The following BMX variants were observed in gnomAD, a reference collection of about 807,000 sequenced individuals.
The protein encoded by BMX is cytoplasmic tyrosine-protein kinase BMX.
Under a neutral mutation model 59.2 loss-of-function variants are expected in BMX, and 31 were observed. That is an observed-to-expected ratio of 0.52 (90% confidence interval 0.39 to 0.71). BMX has a LOEUF of 0.71. BMX is among the 30% of genes least tolerant of loss of function. BMX has a pLI of 0.00. For missense variants in BMX, 474 were observed against 491.7 expected, an observed-to-expected ratio of 0.96 and a Z score of 0.34; for synonymous variants, 185 against 181.0, an observed-to-expected ratio of 1.02 and a Z score of -0.18.
At chrX:15,534,421 C>T (rs753671228) in intron 12 of BMX, 82 bp downstream of exon 12, 29 of 894,354 alleles carry the variant, frequency 3.2e-5, no homozygotes, top group Non-Finnish European at 3.9e-5. Context: ...TCCTAATATT[C>T]TTAATTATAT....
In BMX at chrX:15,554,964, G is replaced by C. The variant is rs142112878; in HGVS notation, c.1954-1109G>C. On this transcript the variant is annotated intron_variant, in intron 18 of 18. Transcript: ENST00000348343. ...AGCACCACACTGCTCTGATTCTGTA[G>C]AGACTTTATGATATGTTTGAATACT... Among the ~76,000 whole-genome samples, 22 of 111,103 alleles carry C rather than the reference G, an allele frequency of 2.0e-4. No individual in the cohort carries two copies. The East Asian group carries it at 6.2e-3, about 31-fold the overall frequency.
chrX:15,524,952 TAA>T (rs1924638534), intron 7 of BMX, among the ~76,000 whole-genome samples: 1 of 112,320 alleles, frequency 8.9e-6, no homozygotes, highest in African/African-American at 3.2e-5. Flanking sequence ...TTAAAATATA[TAA>T]GTGACAGAAT....
In BMX at chrX:15,527,245, C is replaced by A. The variant is rs867966511; in HGVS notation, c.884+1150C>A. Among the ~76,000 whole-genome samples the A allele has an allele frequency of 8.0e-3, 101 of 12,687 alleles. 1 individual carries two copies. The highest frequency in any genetic ancestry group is 0.033 in the African/African-American group (94 of 2,846). 11.0% of individuals were successfully genotyped at this position (12,687 alleles called of 115,157 possible). A position where few individuals can be genotyped will look rare whatever the true frequency, so the allele number is the denominator to read the frequency against. Reference sequence around the variant, plus strand: ...ACACAAACACACACACACACACACACAAATATATATATATATATATATATA... The same window carrying A: ...ACACAAACACACACACACACACACAAAAATATATATATATATATATATATA... On this transcript the variant is annotated intron_variant, in intron 9 of 18. Coordinates refer to ENST00000348343, the MANE Select transcript of BMX (RefSeq NM_203281.3).
chrX:15,530,873 T>C (rs1925035294), intron 10 of BMX, among the ~76,000 whole-genome samples: 1 of 112,172 alleles, frequency 8.9e-6, no homozygotes, highest in African/African-American at 3.2e-5. Context: ...AATGACTTCA[T>C]TTGGCGTTTT....
In BMX at chrX:15,500,984, C is replaced by T. The variant is rs41309563; in HGVS notation, c.-10+44C>T. ...TGGCTACTCAGTGTCGCATACTATG[C>T]GGAAAATAGGTTTGGTTCCCGGTGT... is the stretch of plus-strand genomic sequence containing the variant. On this transcript the variant is annotated intron_variant, in intron 1 of 18. Transcript: ENST00000348343. The T allele has an allele frequency of 3.6e-3, 2,694 of 750,595 alleles. 5 individuals carry two copies. The highest frequency in any genetic ancestry group is 3.9e-3 in the Non-Finnish European group (2,512 of 637,181). 61.9% of individuals were successfully genotyped at this position (750,595 alleles called of 1,213,427 possible). A position where few individuals can be genotyped will look rare whatever the true frequency, so the allele number is the denominator to read the frequency against.
intron 10 of BMX, among the ~76,000 whole-genome samples, 174 bp from the exon 11 acceptor site, chrX:15,531,148 TCATACA>T (rs201731366): frequency 9.1e-5 from 10 of 110,000 alleles, no homozygotes; most frequent in Admixed American, 1.9e-4. Flanking sequence ...GAGGAAGAGT[TCATACA>T]CATACACATA....
chrX:15,523,273 C>G (rs974085005), intron 7 of BMX, among the ~76,000 whole-genome samples: 3 of 112,048 alleles, frequency 2.7e-5, no homozygotes, highest in African/African-American at 6.5e-5. Flanking sequence ...TCTCTGCCAT[C>G]TTCTCACTCA....
Position 15,549,465 on chromosome X carries a change from G to T in BMX, c.1796-375G>T, listed in dbSNP as rs74456458. On this transcript the variant is annotated intron_variant, in intron 17 of 18. Coordinates refer to ENST00000348343, the MANE Select transcript of BMX (RefSeq NM_203281.3). ...GGACATCAACCACTCATTCATAAGG[G>T]TTGGGGCAGGGGCTCACTACACAGG... Among the ~76,000 whole-genome samples the T allele has an allele frequency of 1.6e-3, 174 of 112,053 alleles. 1 individual carries two copies. The highest frequency in any genetic ancestry group is 2.4e-3 in the Non-Finnish European group (129 of 53,146).
chrX:15,549,692 C>A, intron 17 of BMX, 148 bp from the exon 18 acceptor site: 1 of 628,410 alleles, frequency 1.6e-6, no homozygotes, highest in Non-Finnish European at 2.4e-6. Flanking sequence ...AAGCTCTGCT[C>A]ATTTCGCTGG....
chrX:15,519,431 TGTAATTA>T lies in BMX; in HGVS notation c.510+1441_510+1447del, dbSNP rs1924334155. 4.5e-5 allele frequency among the ~76,000 whole-genome samples: 5 copies of T among 111,644 alleles called. 1 individual carries two copies. The South Asian group carries it at 1.9e-3, about 42-fold the overall frequency. ...TTATTGGAACTAGGATCTTTGCAGA[TGTAATTA>T]GTTAAAGATCAAGATGAAATCACAC... is the stretch of plus-strand genomic sequence containing the variant. On this transcript the variant is annotated intron_variant, in intron 6 of 18. Coordinates refer to ENST00000348343, the MANE Select transcript of BMX (RefSeq NM_203281.3).
At chrX:15,530,294 G>A in intron 10 of BMX, among the ~76,000 whole-genome samples, 1 of 111,696 alleles carries the variant, frequency 9.0e-6, no homozygotes, top group Non-Finnish European at 1.9e-5. Context: ...TGAGTCAGCT[G>A]GGCCAGCAGT....
intron 16 of BMX, 86 bp downstream of exon 16, chrX:15,543,221 T>C (rs993798782): frequency 2.2e-6 from 2 of 919,338 alleles, no homozygotes; most frequent in African/African-American, 1.9e-5. Context: ...TTTGTGGGGA[T>C]ATAGAAGGTG....
chrX:15,504,047 T>C (rs759390575), intron 1 of BMX, among the ~76,000 whole-genome samples: 2 of 111,707 alleles, frequency 1.8e-5, no homozygotes, highest in East Asian at 5.7e-4. Flanking sequence ...TCCTTAAGCA[T>C]TGGCTAGGAT....
chrX:15,501,879 A>T (rs186345916), intron 1 of BMX, among the ~76,000 whole-genome samples: 1 of 112,120 alleles, frequency 8.9e-6, no homozygotes, highest in African/African-American at 3.2e-5. Flanking sequence ...ACATGGCAAT[A>T]CATGAGGAGG....
At chrX:15,542,378 A>G (rs750420044) in intron 15 of BMX, among the ~76,000 whole-genome samples, 180 bp downstream of exon 15, 1 of 111,945 alleles carries the variant, frequency 8.9e-6, no homozygotes, top group Admixed American at 9.5e-5. Context: ...TGAAGTATGG[A>G]AAGAACAGTG....
At chrX:15,529,591 T>C (rs1005082242) in intron 9 of BMX, among the ~76,000 whole-genome samples, 3 of 112,943 alleles carry the variant, frequency 2.7e-5, no homozygotes, top group African/African-American at 9.6e-5. Flanking sequence ...AAGGAAATTA[T>C]ATGATTGGAA....
rs1253251609 is a variant in BMX, at chrX:15,522,341, C to T, written c.511-5C>T. The T allele has an allele frequency of 7.4e-6, 9 of 1,208,095 alleles. No homozygotes were observed. Among genetic ancestry groups the T allele is most frequent in the African/African-American group, 7.0e-5 (4 of 56,936 alleles). ...TGATGTATTAAAATTTCTTCCCCTC[C>T]AAAGCTGAAGATACCTCGGGCAGTT... On this transcript the variant is annotated splice_polypyrimidine_tract_variant and splice_region_variant and intron_variant, in intron 6 of 18. Coordinates refer to ENST00000348343, the MANE Select transcript of BMX (RefSeq NM_203281.3).
intron 9 of BMX, among the ~76,000 whole-genome samples, chrX:15,526,655 G>A (rs1427956226): frequency 9.6e-6 from 1 of 103,784 alleles, no homozygotes; most frequent in Non-Finnish European, 2.0e-5. Context: ...GCATGATCTC[G>A]GCTCATTGCA....
chrX:15,541,042 G>GA (rs34730726), intron 14 of BMX, among the ~76,000 whole-genome samples: 29 of 91,875 alleles, frequency 3.2e-4, no homozygotes, highest in South Asian at 5.2e-4. Context: ...CTCACAAATG[G>GA]AAAAAAAAAA....
Sources: allele counts gnomAD v4.1 joint callset (sites outside exome capture counted in the v4.1 genomes callset), GRCh38; gene constraint gnomAD v4.1.1; transcripts MANE v1.5; gene names NCBI Gene and HGNC (gene_info 2026-07-23, HGNC 2026-07-21).